Variants in NAV2 observed in about 807,000 individuals in gnomAD.
The protein encoded by NAV2 is neuron navigator 2, also known as helicase, APC down-regulated 1.
A neutral mutation model predicts 223.2 loss-of-function variants in NAV2; 54 were observed. The ratio of observed to expected loss-of-function variants is 0.24; its 90% CI spans 0.19 to 0.30. The LOEUF is 0.30. Among genes scored for constraint, NAV2 ranks in the 10% least tolerant of loss-of-function variants. The probability of loss-of-function intolerance (pLI) is 1.00; values close to 1 mark genes in which losing one functional copy is unlikely to be tolerated. For synonymous variants in NAV2, 1,279 were observed against 1,239.3 expected (o/e 1.03, Z -0.67); for missense variants, 2,806 against 3,147.5 (o/e 0.89, Z 2.60).
intron 1 of NAV2, among the ~76,000 whole-genome samples, chr11:19,717,661 A>G (rs904758603): frequency 6.6e-6 from 1 of 152,200 alleles, no homozygotes; most frequent in Admixed American, 6.5e-5. Context: ...TTGGATTTGC[A>G]TGTTGGCTTC....
intron 1 of NAV2, among the ~76,000 whole-genome samples, chr11:19,701,145 G>A (rs1001507176): frequency 6.6e-5 from 10 of 152,058 alleles, no homozygotes; most frequent in Non-Finnish European, 1.2e-4. Flanking sequence ...TCCAGCCTCC[G>A]TGTTCCCCTT....
At chr11:19,509,553 C>T (rs944191655) in intron 1 of NAV2, among the ~76,000 whole-genome samples, 1 of 152,220 alleles carries the variant, frequency 6.6e-6, no homozygotes, top group Non-Finnish European at 1.5e-5. Flanking sequence ...TGTATTCCCG[C>T]ACCGATGGTT....
At chr11:19,925,161 A>G (rs1019632543) in intron 6 of NAV2, among the ~76,000 whole-genome samples, 5 of 152,170 alleles carry the variant, frequency 3.3e-5, no homozygotes, top group African/African-American at 9.7e-5. Context: ...AGTTCTTTAT[A>G]TATTCTGGAT....
intron 1 of NAV2, among the ~76,000 whole-genome samples, chr11:19,556,145 C>A (rs2134711357): frequency 6.6e-6 from 1 of 152,292 alleles, no homozygotes; most frequent in Middle Eastern, 3.4e-3. Flanking sequence ...TGCTGGGAAT[C>A]TTGCCTAAGG....
At chr11:19,904,585 G>A (rs61000207) in intron 6 of NAV2, among the ~76,000 whole-genome samples, 1 of 152,086 alleles carries the variant, frequency 6.6e-6, no homozygotes, top group Non-Finnish European at 1.5e-5. Context: ...GGATGTTTTT[G>A]AAAACAGTTT....
At chr11:19,649,536 T>C (rs11607906) in intron 1 of NAV2, among the ~76,000 whole-genome samples, 14 of 152,186 alleles carry the variant, frequency 9.2e-5, no homozygotes, top group African/African-American at 3.4e-4. Flanking sequence ...CAGATGGCTG[T>C]CTTGTCATTG....
At position 19,649,344 on chromosome 11, in the gene NAV2, T is replaced by G. The variant is rs190349842; in HGVS notation, c.76-183140T>G. On this transcript the variant is annotated intron_variant, in intron 1 of 37. Transcript: ENST00000360655. ...AAGATTATTACTCCTGTGTTTCAAA[T>G]GACCTCGAGAGAATATATTATAAAG... 2.0e-4 allele frequency among the ~76,000 whole-genome samples: 31 copies of G among 152,326 alleles called. No homozygotes were observed. In the East Asian group the frequency reaches 6.0e-3, roughly 29 times the overall value.
intron 1 of NAV2, among the ~76,000 whole-genome samples, chr11:19,748,648 C>T (rs1393357533): frequency 1.3e-5 from 2 of 152,182 alleles, no homozygotes; most frequent in African/African-American, 4.8e-5. Flanking sequence ...TAGACATTGT[C>T]ATGAGTATTA....
intron 20 of NAV2, among the ~76,000 whole-genome samples, chr11:20,063,628 G>C (rs1319592635): frequency 6.6e-6 from 1 of 152,096 alleles, no homozygotes; most frequent in Non-Finnish European, 1.5e-5. Context: ...GCCCATCTCA[G>C]CCTCCCGAAG....
intron 10 of NAV2, among the ~76,000 whole-genome samples, chr11:19,967,902 G>A (rs762208951): frequency 6.6e-6 from 1 of 152,184 alleles, no homozygotes; most frequent in African/African-American, 2.4e-5. Flanking sequence ...GGAAAGCCAC[G>A]TTTCCACAGG....
chr11:19,371,411 T>C (rs1590068582), intron 1 of NAV2, among the ~76,000 whole-genome samples: 1 of 152,276 alleles, frequency 6.6e-6, no homozygotes, highest in East Asian at 1.9e-4. Flanking sequence ...AGGTTAACTC[T>C]AACCCAAAAA....
rs770122510 is a variant in NAV2 at position 20,055,945 on chromosome 11, G to A, written c.4819G>A (p.Gly1607Arg). Residue 1607 changes from glycine (G) to arginine (R), a missense_variant, in exon 19 of 38, where the codon GGG becomes AGG. Transcript: ENST00000349880. ...GAGCCGTTCAGGCTCATTCCGGGAT[G>A]GGTTTGAAGAAGGTAAGGAAGGAAA... ...TMSRSGSFRD[G>R]FEEVHGSSLS... 16 of 1,613,566 alleles carry A rather than the reference G, an allele frequency of 9.9e-6. No homozygotes were observed. In the South Asian group the frequency reaches 1.6e-4, roughly 17 times the overall value.
intron 3 of NAV2, among the ~76,000 whole-genome samples, chr11:19,860,136 A>ACCTC (rs2061648993): frequency 9.6e-6 from 1 of 104,264 alleles, no homozygotes; most frequent in Admixed American, 9.6e-5. Flanking sequence ...GGCGCCCCTC[A>ACCTC]CCTCCCGGAC....
At chr11:19,999,715 T>A (rs2568125) in intron 11 of NAV2, among the ~76,000 whole-genome samples, 3 of 152,040 alleles carry the variant, frequency 2.0e-5, no homozygotes, top group African/African-American at 7.2e-5. Flanking sequence ...CAAGTTCAGA[T>A]GCTGACTGTG....
intron 1 of NAV2, among the ~76,000 whole-genome samples, chr11:19,574,120 C>T (rs1337973294): frequency 6.6e-6 from 1 of 152,154 alleles, no homozygotes; most frequent in Non-Finnish European, 1.5e-5. Context: ...GAGTTCTGAT[C>T]CTGGCTTTGC....
intron 1 of NAV2, among the ~76,000 whole-genome samples, chr11:19,684,388 T>C (rs758729337): frequency 1.3e-5 from 2 of 152,042 alleles, no homozygotes; most frequent in Non-Finnish European, 2.9e-5. Context: ...TTGTCACCAC[T>C]GGGGGCTGTC....
At chr11:19,708,379 A>G (rs1262458847), upstream of NAV2, among the ~76,000 whole-genome samples, 1 of 152,140 alleles carries the variant, frequency 6.6e-6, no homozygotes, top group Non-Finnish European at 1.5e-5. Context: ...TGCTTTTTAT[A>G]TTATTCAAGA....
intron 20 of NAV2, among the ~76,000 whole-genome samples, chr11:20,067,678 A>G (rs1318471361): frequency 1.4e-5 from 2 of 145,952 alleles, no homozygotes; most frequent in Non-Finnish European, 1.5e-5. Flanking sequence ...TTTAGTAGAG[A>G]TGGGTTTCAC....
At chr11:19,986,502 C>A (rs2050807863) in intron 11 of NAV2, among the ~76,000 whole-genome samples, 1 of 152,096 alleles carries the variant, frequency 6.6e-6, no homozygotes, top group Non-Finnish European at 1.5e-5. Context: ...CAACTGTAAT[C>A]CCAGCTACTC....
Sources: gnomAD v4.1 joint callset for allele counts (sites outside exome capture counted in the v4.1 genomes callset) on GRCh38, gnomAD v4.1.1 for gene constraint, MANE v1.5 for transcripts, NCBI Gene and HGNC (gene_info 2026-07-23, HGNC 2026-07-21) for gene names.